Variants in KLHL5 observed in about 807,000 individuals in gnomAD.
The protein encoded by KLHL5 is kelch-like protein 5.
A neutral mutation model predicts 77.7 loss-of-function variants in KLHL5; 48 were observed. The ratio of observed to expected loss-of-function variants is 0.62; its 90% confidence interval spans 0.49 to 0.79. The LOEUF is 0.79. Among genes scored for constraint, KLHL5 ranks in the 30% least tolerant of loss-of-function variants. The probability of loss-of-function intolerance (pLI) is 0.00; values close to 1 mark genes in which losing one functional copy is unlikely to be tolerated. For synonymous variants in KLHL5, 260 were observed against 297.0 expected, an observed-to-expected ratio of 0.88 and a Z score of 1.28; for missense variants, 723 against 859.7, an observed-to-expected ratio of 0.84 and a Z score of 1.99.
At chr4:39,136,764 GTGC>G in the KLHL5 span, among the ~76,000 whole-genome samples, 4 of 152,206 alleles carry the variant, frequency 2.6e-5, no homozygotes, top group East Asian at 7.7e-4. Flanking sequence ...GATGGGGAAG[GTGC>G]CTGTCCAGGG....
chr4:39,079,184 C>A (rs1719378891), intron 2 of KLHL5, among the ~76,000 whole-genome samples: 1 of 152,192 alleles, frequency 6.6e-6, no homozygotes, highest in Admixed American at 6.5e-5. Context: ...ATGACTGATG[C>A]AAAAGCCTCC....
At position 39,124,802 on chromosome 4, in the gene KLHL5, C is replaced by CAAAAAAAAAAA. The variant is rs71643268; in HGVS notation, c.*3750_*3760dup. Among the ~76,000 whole-genome samples, 728 of 44,020 alleles carry CAAAAAAAAAAA rather than the reference C, an allele frequency of 0.017. 12 individuals are homozygous for CAAAAAAAAAAA. Among genetic ancestry groups the CAAAAAAAAAAA allele is most frequent in the Non-Finnish European group, 0.025 (574 of 22,594 alleles). 28.9% of individuals were successfully genotyped at this position (44,020 alleles called of 152,430 possible). A position where few individuals can be genotyped will look rare whatever the true frequency, so the allele number is the denominator to read the frequency against. ...GCACCAAAAGCACAAGCAACAACAG[C>CAAAAAAAAAAA]AAAAAAAAAAAAAAAAAAAAAAAAT... On this transcript the variant is annotated 3_prime_UTR_variant, in exon 11 of 11. Coordinates refer to ENST00000504108, the MANE Select transcript of KLHL5 (RefSeq NM_015990.5).
chr4:39,079,958 T>G (rs1246495894), intron 2 of KLHL5, among the ~76,000 whole-genome samples: 4 of 152,126 alleles, frequency 2.6e-5, no homozygotes, highest in African/African-American at 9.7e-5. Flanking sequence ...TTTAACACTT[T>G]ATGGCCAAAA....
At chr4:39,052,856 C>T (rs909649319) in intron 1 of KLHL5, among the ~76,000 whole-genome samples, 1 of 152,136 alleles carries the variant, frequency 6.6e-6, no homozygotes, top group African/African-American at 2.4e-5. Context: ...CTCCTTCCCC[C>T]CATTGGAGTT....
chr4:39,060,692 A>G (rs1364546598), upstream of KLHL5, among the ~76,000 whole-genome samples: 2 of 152,212 alleles, frequency 1.3e-5, no homozygotes, highest in African/African-American at 4.8e-5. Context: ...ATGTTGGAAA[A>G]TGGTTAGAAA....
chr4:39,082,070 C>A lies in KLHL5; in HGVS notation c.811C>A (p.Leu271Ile). 1 of 1,614,054 alleles carries A rather than the reference C, an allele frequency of 6.2e-7. No homozygotes were observed. The highest frequency in any genetic ancestry group is 1.1e-5 in the South Asian group (1 of 91,072). The stretch of plus-strand genomic sequence containing the variant: ...ATGCTGTAAGTTTTTAATGAAACAG[C>A]TTCATCCATCCAACTGTCTTGGAAT... ...EACCKFLMKQ[L>I]HPSNCLGIRS... The change falls in exon 4 of 11, where the codon CTT becomes ATT. Residue 271 changes from leucine to isoleucine, a missense_variant. This residue lies in a region of KLHL5 where 288 missense variants were observed against 400.3 expected (regional missense o/e 0.72). Transcript: ENST00000504108.
chr4:39,065,800 G>A (rs182562672), intron 1 of KLHL5, among the ~76,000 whole-genome samples: 137 of 152,200 alleles, frequency 9.0e-4, no homozygotes, highest in African/African-American at 3.2e-3. Context: ...AAATGCATAT[G>A]ATATACTAAT....
At chr4:39,074,736 T>C (rs1485603745) in intron 1 of KLHL5, among the ~76,000 whole-genome samples, 1 of 151,714 alleles carries the variant, frequency 6.6e-6, no homozygotes, top group East Asian at 1.9e-4. Context: ...TTTTTCTTTT[T>C]TGATAAGGTT....
intron 1 of KLHL5, among the ~76,000 whole-genome samples, chr4:39,065,480 A>G (rs998333688): frequency 2.0e-5 from 3 of 151,704 alleles, no homozygotes; most frequent in Admixed American, 2.0e-4. Context: ...CAGCCTCCCA[A>G]GTATCTGGGA....
intron 1 of KLHL5, among the ~76,000 whole-genome samples, chr4:39,054,232 A>G (rs1253590154): frequency 6.6e-6 from 1 of 152,204 alleles, no homozygotes; most frequent in Non-Finnish European, 1.5e-5. Flanking sequence ...ATTTTTGAGT[A>G]GTGAATGAGA....
At chr4:39,052,898 A>T (rs1716759773) in intron 1 of KLHL5, among the ~76,000 whole-genome samples, 1 of 152,178 alleles carries the variant, frequency 6.6e-6, no homozygotes, top group Admixed American at 6.5e-5. Context: ...CCTCCTAAGA[A>T]CATTGGATTT....
At chr4:39,045,167 C>A in intron 1 of KLHL5, 1 of 984,086 alleles carries the variant, frequency 1.0e-6, no homozygotes, top group Non-Finnish European at 1.2e-6. Flanking sequence ...CGCCCCCACG[C>A]GACTCTCACG....
rs778468055 is a variant in KLHL5 at position 39,114,659 on chromosome 4, T to TA, written c.1902-499dup. On this transcript the variant is annotated intron_variant, in intron 9 of 10. Coordinates refer to ENST00000504108, the MANE Select transcript of KLHL5 (RefSeq NM_015990.5). ...TGTTTATATACTTGGCCCCATGAATTATGGGCTTGCTGTTGTACTACACTC... is the reference window on the plus strand; with the variant it reads ...TGTTTATATACTTGGCCCCATGAATTAATGGGCTTGCTGTTGTACTACACTC... 7.9e-5 allele frequency among the ~76,000 whole-genome samples: 12 copies of TA among 152,194 alleles called. 1 individual carries two copies. The highest frequency in any genetic ancestry group is 1.8e-4 in the Non-Finnish European group (12 of 68,014).
intron 1 of KLHL5, among the ~76,000 whole-genome samples, chr4:39,048,932 G>A (rs750728787): frequency 1.8e-4 from 27 of 152,100 alleles, no homozygotes; most frequent in East Asian, 5.8e-4. Flanking sequence ...GTGAACCACC[G>A]CGCCTGGTGT....
At position 39,125,230 on chromosome 4, in the gene KLHL5, CGTT is replaced by C. The variant is rs749800628; in HGVS notation, c.*4169_*4171del. On this transcript the variant is annotated 3_prime_UTR_variant, in exon 11 of 11. Transcript: ENST00000504108. ...TGTGGAGAAATTGAAAACCTTCATT[CGTT>C]GTTGGTGGGAATGTTAAATGGTGTA... Among the ~76,000 whole-genome samples, 150 of 152,056 alleles carry C rather than the reference CGTT, an allele frequency of 9.9e-4. No homozygotes were observed. The highest frequency in any genetic ancestry group is 2.0e-3 in the Non-Finnish European group (134 of 67,982).
chr4:39,045,885 A>T (rs1374784202), intron 1 of KLHL5, among the ~76,000 whole-genome samples: 1 of 144,218 alleles, frequency 6.9e-6, no homozygotes, highest in Non-Finnish European at 1.5e-5. Flanking sequence ...AGATGTGCGG[A>T]TGCCCCTCCT....
intron 6 of KLHL5, among the ~76,000 whole-genome samples, chr4:39,101,134 A>G (rs774425192): frequency 1.0e-4 from 15 of 147,748 alleles, no homozygotes; most frequent in Non-Finnish European, 2.2e-4. Context: ...TTTTATATAT[A>G]TATATATATA....
chr4:39,086,586 G>C lies in KLHL5; in HGVS notation c.972G>C (p.Leu324Phe), dbSNP rs753329078. Reference protein sequence around the residue: ...LLPASEIAKLLASDDMNIPNE... With the variant: ...LLPASEIAKLFASDDMNIPNE... ...CAGCCAGCGAAATTGCAAAGCTCTT[G>C]GCTAGTGATGACATGAACATTCCTA... Residue 324 changes from leucine to phenylalanine, a missense_variant, in exon 5 of 11, where the codon TTG (leucine) becomes TTC (phenylalanine). Physicochemically the swap from Leu to Phe is conservative, Grantham distance 22 (BLOSUM62 0). This residue lies in a region of KLHL5 where 288 missense variants were observed against 400.3 expected (regional missense o/e 0.72). Coordinates refer to ENST00000504108, the MANE Select transcript of KLHL5 (RefSeq NM_015990.5). 8.1e-6 allele frequency: 13 copies of C among 1,613,814 alleles called. No individual in the cohort carries two copies. Among genetic ancestry groups the C allele is most frequent in the Non-Finnish European group, 1.1e-5 (13 of 1,179,934 alleles).
chr4:39,056,774 A>G (rs944287136), intron 1 of KLHL5, among the ~76,000 whole-genome samples: 2 of 152,104 alleles, frequency 1.3e-5, no homozygotes, highest in African/African-American at 4.8e-5. Flanking sequence ...CAATATCCTT[A>G]CCTCCTTACT....
Sources: allele counts gnomAD v4.1 joint callset (sites outside exome capture counted in the v4.1 genomes callset), GRCh38; gene constraint gnomAD v4.1.1; regional missense constraint gnomAD v4.1.1; transcripts MANE v1.5; gene names NCBI Gene and HGNC (gene_info 2026-07-23, HGNC 2026-07-21).